The following FER variants were observed in gnomAD, a reference collection of about 807,000 sequenced individuals.
FER encodes the protein FER tyrosine kinase, also known as tyrosine-protein kinase Fer.
Under a neutral mutation model 111.0 loss-of-function variants are expected in FER, and 63 were observed. The observed-to-expected ratio is 0.57, with a 90% CI of 0.46 to 0.70. FER has a LOEUF of 0.70. Among genes scored for constraint, FER ranks in the 30% least tolerant of loss-of-function variants. FER has a pLI of 0.00. For synonymous variants in FER, 327 were observed against 313.9 expected (o/e 1.04, Z -0.44); for missense variants, 914 against 954.0 (o/e 0.96, Z 0.55).
intron 10 of FER, among the ~76,000 whole-genome samples, chr5:108,941,692 C>G (rs2149611448): frequency 6.6e-6 from 1 of 152,204 alleles, no homozygotes; most frequent in East Asian, 1.9e-4. Flanking sequence ...GTTTACTGAG[C>G]AAAGTCAATC....
intron 16 of FER, among the ~76,000 whole-genome samples, chr5:109,083,918 T>C (rs1463482926): frequency 6.6e-6 from 1 of 151,996 alleles, no homozygotes; most frequent in African/African-American, 2.4e-5. Flanking sequence ...CTCTGACCTG[T>C]GAGTATCATG....
intron 13 of FER, among the ~76,000 whole-genome samples, chr5:109,001,770 G>C (rs138044129): frequency 0.01 from 1,597 of 152,196 alleles, 22 homozygotes; most frequent in African/African-American, 0.036. Context: ...TAAGCTAATA[G>C]GCAACTTCAG....
At chr5:108,834,424 GC>G (rs1760386268) in intron 4 of FER, among the ~76,000 whole-genome samples, 1 of 152,066 alleles carries the variant, frequency 6.6e-6, no homozygotes, top group South Asian at 2.1e-4. Context: ...CTGGCTGGGT[GC>G]GGTGGCTCAT....
At chr5:109,107,826 C>T (rs1233946935) in intron 17 of FER, among the ~76,000 whole-genome samples, 3 of 152,140 alleles carry the variant, frequency 2.0e-5, no homozygotes, top group Non-Finnish European at 4.4e-5. Flanking sequence ...CATTCCTCCA[C>T]TCCTCTTGCA....
chr5:109,047,322 T>C (rs1008866170), intron 16 of FER, 124 bp downstream of exon 16: 2 of 594,324 alleles, frequency 3.4e-6, no homozygotes, highest in East Asian at 3.1e-5. Flanking sequence ...CATTTCCAGA[T>C]AACAAAAGAG....
intron 6 of FER, 99 bp downstream of exon 6, chr5:108,868,049 A>G: frequency 8.8e-7 from 1 of 1,139,858 alleles, no homozygotes; most frequent in Admixed American, 2.6e-5. Context: ...TTTATTATTA[A>G]CCCAGTCCAG....
At chr5:108,798,095 G>T in intron 2 of FER, 29 bp from the exon 3 acceptor site, 16 of 790,750 alleles carry the variant, frequency 2.0e-5, no homozygotes, top group South Asian at 1.4e-4. Context: ...TTTTATTTAA[G>T]AGTTTTTCTC....
chr5:108,768,867 C>T (rs1233352450), intron 2 of FER, among the ~76,000 whole-genome samples: 1 of 151,908 alleles, frequency 6.6e-6, no homozygotes, highest in Non-Finnish European at 1.5e-5. Context: ...CTCTGTCGCC[C>T]AGGCTGGAGT....
At position 109,188,252 on chromosome 5, in the gene FER, ATC is replaced by A. The variant is rs1759094542; in HGVS notation, c.*680_*681del. 2.8e-5 allele frequency: 4 copies of A among 143,938 alleles called. No individual in the cohort carries two copies. Among genetic ancestry groups the A allele is most frequent in the African/African-American group, 1.0e-4 (4 of 39,752 alleles). 8.9% of individuals were successfully genotyped at this position (143,938 alleles called of 1,614,324 possible). ...TCACGCCTGTAATCCCAGGCATGTA[ATC>A]TCATGCCTGGGATTACAGGCGTGAG... On this transcript the variant is annotated 3_prime_UTR_variant, in exon 20 of 20. Transcript: ENST00000281092.
At position 108,954,737 on chromosome 5, in the gene FER, T is replaced by C. The variant is rs746115935; in HGVS notation, c.1338T>C (p.Asp446=). The C allele has an allele frequency of 1.4e-5, 22 of 1,574,180 alleles. No homozygotes were observed. In the South Asian group the frequency reaches 2.2e-4, roughly 16 times the overall value. The stretch of plus-strand genomic sequence containing the variant: ...TTTAATATTTGTTTAAGCTTTCTGA[T>C]ATGATCTCCATCAGTGAGAAGCCTT... ...KSALGSSALS[D]MISISEKPLA... The change falls in exon 12 of 20, where the codon GAT becomes GAC. Residue 446 remains aspartate, a synonymous_variant. Transcript: ENST00000281092.
At chr5:109,117,379 A>C (rs1407185574) in intron 17 of FER, among the ~76,000 whole-genome samples, 1 of 152,260 alleles carries the variant, frequency 6.6e-6, no homozygotes, top group African/African-American at 2.4e-5. Flanking sequence ...AAACAGGGAA[A>C]TATCAAGGTC....
chr5:109,141,105 C>T (rs1386260157), intron 17 of FER, among the ~76,000 whole-genome samples: 5 of 152,044 alleles, frequency 3.3e-5, no homozygotes, highest in Admixed American at 6.6e-5. Flanking sequence ...CTTCAGAGGG[C>T]GTACAGGTGG....
intron 17 of FER, among the ~76,000 whole-genome samples, chr5:109,104,466 G>C (rs557685404): frequency 2.5e-4 from 38 of 152,262 alleles, no homozygotes; most frequent in African/African-American, 8.9e-4. Context: ...GTCAGTATGG[G>C]GACGATGATG....
intron 11 of FER, among the ~76,000 whole-genome samples, chr5:108,949,116 A>G (rs1757388179): frequency 6.6e-6 from 1 of 152,082 alleles, no homozygotes; most frequent in South Asian, 2.1e-4. Flanking sequence ...CTTGCTTTTT[A>G]GAAACATCAT....
intron 13 of FER, among the ~76,000 whole-genome samples, chr5:109,014,351 ATTG>A: frequency 6.6e-6 from 1 of 152,270 alleles, no homozygotes; most frequent in East Asian, 1.9e-4. Context: ...TCCTTTCCCC[ATTG>A]TTGTTTTTGT....
intron 17 of FER, among the ~76,000 whole-genome samples, chr5:109,114,202 G>A (rs1403245948): frequency 1.3e-5 from 2 of 151,998 alleles, no homozygotes; most frequent in Non-Finnish European, 2.9e-5. Flanking sequence ...CATGTCTTTT[G>A]TAACTACTCT....
chr5:109,040,666 G>T (rs1771039191), intron 14 of FER, among the ~76,000 whole-genome samples: 1 of 152,136 alleles, frequency 6.6e-6, no homozygotes, highest in Non-Finnish European at 1.5e-5. Context: ...TGCTGCAAAA[G>T]AAATCAGAGA....
chr5:109,067,630 A>C (rs1179727323), intron 16 of FER, among the ~76,000 whole-genome samples: 1 of 151,986 alleles, frequency 6.6e-6, no homozygotes, highest in Non-Finnish European at 1.5e-5. Flanking sequence ...TTCCTCCTTG[A>C]TAATTAGTTT....
At chr5:108,905,070 A>T (rs548237584) in intron 10 of FER, among the ~76,000 whole-genome samples, 11 of 152,122 alleles carry the variant, frequency 7.2e-5, no homozygotes, top group African/African-American at 2.7e-4. Flanking sequence ...TCAGGTCAAG[A>T]TTCCATTCAT....
Sources: allele counts gnomAD v4.1 joint callset (sites outside exome capture counted in the v4.1 genomes callset), GRCh38; gene constraint gnomAD v4.1.1; transcripts MANE v1.5; gene names NCBI Gene and HGNC (gene_info 2026-07-23, HGNC 2026-07-21).